Variants in DDX4 observed in about 807,000 individuals in gnomAD.
DDX4 encodes the protein probable ATP-dependent RNA helicase DDX4.
DDX4 carries 25 observed loss-of-function variants against 100.0 expected under a neutral mutation model. The ratio of observed to expected loss-of-function variants is 0.25; its 90% CI spans 0.18 to 0.35. The LOEUF is 0.35. Among genes scored for constraint, DDX4 ranks in the 10% least tolerant of loss-of-function variants. The pLI is 1.00. For synonymous variants in DDX4, 259 were observed against 275.7 expected (o/e 0.94, Z 0.60); for missense variants, 635 against 882.4 (o/e 0.72, Z 3.55).
chr5:55,757,356 A>G (rs1162468840), intron 3 of DDX4, among the ~76,000 whole-genome samples: 2 of 152,196 alleles, frequency 1.3e-5, no homozygotes, highest in Non-Finnish European at 2.9e-5. Flanking sequence ...GAGTGAGAAT[A>G]TCTGCTATTT....
intron 15 of DDX4, 50 bp downstream of exon 15, chr5:55,788,050 T>G: frequency 6.6e-7 from 1 of 1,513,664 alleles, no homozygotes; most frequent in Non-Finnish European, 8.9e-7. Flanking sequence ...TTTAGAGATT[T>G]TTTTCCCCTC....
At chr5:55,795,201 C>G (rs6450349) in intron 17 of DDX4, among the ~76,000 whole-genome samples, 63,357 of 151,812 alleles carry the variant, frequency 0.42, 14,576 homozygotes, top group African/African-American at 0.6. Flanking sequence ...CTGACCTCAG[C>G]TGATCCGTCC....
intron 13 of DDX4, 88 bp from the exon 14 acceptor site, chr5:55,786,430 C>T: frequency 2.8e-6 from 3 of 1,055,176 alleles, no homozygotes; most frequent in Non-Finnish European, 4.1e-6. Context: ...ATTAACAGAA[C>T]TTGGAAAGTA....
chr5:55,755,778 A>T (rs773674827), intron 3 of DDX4, among the ~76,000 whole-genome samples: 7 of 152,060 alleles, frequency 4.6e-5, no homozygotes, highest in Non-Finnish European at 7.4e-5. Context: ...TTTCAGTAAG[A>T]TACACAGCAT....
chr5:55,742,970 C>T (rs996588835), intron 2 of DDX4, among the ~76,000 whole-genome samples: 2 of 152,060 alleles, frequency 1.3e-5, no homozygotes, highest in Non-Finnish European at 2.9e-5. Context: ...CCCAGCAGGA[C>T]ATCAGGTGCA....
intron 19 of DDX4, 81 bp downstream of exon 19, chr5:55,813,853 T>C: frequency 6.5e-6 from 9 of 1,380,414 alleles, no homozygotes; most frequent in East Asian, 2.6e-5. Context: ...ATAACTAATA[T>C]GATATAATCC....
chr5:55,791,602 T>C (rs557051637), intron 16 of DDX4, among the ~76,000 whole-genome samples: 1 of 152,318 alleles, frequency 6.6e-6, no homozygotes, highest in African/African-American at 2.4e-5. Flanking sequence ...TTAGAAGATA[T>C]TTGAATATGT....
intron 18 of DDX4, among the ~76,000 whole-genome samples, chr5:55,805,960 T>C (rs896447125): frequency 6.6e-5 from 10 of 152,280 alleles, no homozygotes; most frequent in African/African-American, 2.2e-4. Flanking sequence ...GTCCTGGACT[T>C]TTTTTGGTTG....
chr5:55,746,331 C>T (rs1580508810), intron 3 of DDX4, 110 bp downstream of exon 3: 2 of 897,724 alleles, frequency 2.2e-6, no homozygotes, highest in East Asian at 5.4e-5. Flanking sequence ...TAAAAAATTT[C>T]TTAGTGAAAG....
At chr5:55,814,159 C>T (rs925174459) in intron 19 of DDX4, among the ~76,000 whole-genome samples, 26 of 152,136 alleles carry the variant, frequency 1.7e-4, no homozygotes, top group African/African-American at 5.5e-4. Context: ...ATATTAATAC[C>T]GTTTTATGGG....
chr5:55,797,263 TTAAC>T (rs1463757199), intron 17 of DDX4, among the ~76,000 whole-genome samples: 2 of 152,212 alleles, frequency 1.3e-5, no homozygotes, highest in African/African-American at 4.8e-5. Context: ...TCAGTAAACA[TTAAC>T]TATTCTAACA....
At chr5:55,805,810 C>G (rs1369441836) in intron 18 of DDX4, among the ~76,000 whole-genome samples, 1 of 152,142 alleles carries the variant, frequency 6.6e-6, no homozygotes, top group Middle Eastern at 3.2e-3. Context: ...CTCTGCCCGG[C>G]TTTGGTATCA....
rs369016313 is a variant in DDX4 at position 55,815,937 on chromosome 5, G to GTTT, written c.2098-508_2098-506dup. On this transcript the variant is annotated intron_variant, in intron 21 of 21. Coordinates refer to ENST00000505374, the MANE Select transcript of DDX4 (RefSeq NM_024415.3). ...CAGGCATGTGCCACCATCTTAGCTG[G>GTTT]TTTTTTTTTTTTTTTTTTTTGTATT... is the stretch of plus-strand genomic sequence containing the variant. Among the ~76,000 whole-genome samples the GTTT allele has an allele frequency of 2.2e-3, 238 of 109,120 alleles. 6 individuals are homozygous for GTTT. The highest frequency in any genetic ancestry group is 6.1e-3 in the East Asian group (22 of 3,588). 71.6% of individuals were successfully genotyped at this position (109,120 alleles called of 152,430 possible).
At chr5:55,751,258 G>A (rs557947233) in intron 3 of DDX4, among the ~76,000 whole-genome samples, 105 of 152,110 alleles carry the variant, frequency 6.9e-4, no homozygotes, top group Non-Finnish European at 1.3e-3. Flanking sequence ...TTTTGAGACA[G>A]GGCCTTGCTC....
At chr5:55,750,783 A>G (rs1443902322) in intron 3 of DDX4, among the ~76,000 whole-genome samples, 1 of 150,262 alleles carries the variant, frequency 6.7e-6, no homozygotes, top group Non-Finnish European at 1.5e-5. Flanking sequence ...TTAACTTAGA[A>G]TTTTTTTTTT....
At chr5:55,757,445 A>G (rs1364767934) in intron 3 of DDX4, among the ~76,000 whole-genome samples, 1 of 152,106 alleles carries the variant, frequency 6.6e-6, no homozygotes, top group Non-Finnish European at 1.5e-5. Flanking sequence ...CCATTATTTC[A>G]TTTCTTTTTC....
intron 2 of DDX4, among the ~76,000 whole-genome samples, chr5:55,745,414 ATTATATTTTCTTTTCTATTT>A (rs1759199194): frequency 6.6e-6 from 1 of 151,782 alleles, no homozygotes; most frequent in East Asian, 1.9e-4. Flanking sequence ...ATGATATTTT[ATTATATTTTCTTTTCTATTT>A]TTATTTTTTG....
chr5:55,776,618 G>GT (rs1335927029), intron 7 of DDX4, among the ~76,000 whole-genome samples: 1 of 152,180 alleles, frequency 6.6e-6, no homozygotes, highest in African/African-American at 2.4e-5. Context: ...TAATAGCATA[G>GT]TATATTCAGA....
chr5:55,806,894 C>CTTG (rs1414292065), intron 18 of DDX4, among the ~76,000 whole-genome samples: 1 of 151,904 alleles, frequency 6.6e-6, no homozygotes, highest in Admixed American at 6.6e-5. Context: ...AACTTTCTGT[C>CTTG]TCGATCTGTC....
Sources: allele counts gnomAD v4.1 joint callset (sites outside exome capture counted in the v4.1 genomes callset), GRCh38; gene constraint gnomAD v4.1.1; transcripts MANE v1.5; gene names NCBI Gene and HGNC (gene_info 2026-07-23, HGNC 2026-07-21).